The following ZFHX3 variants were observed in gnomAD, a reference collection of about 807,000 sequenced individuals.
The protein encoded by ZFHX3 is zinc finger homeobox protein 3.
Under a neutral mutation model 279.1 loss-of-function variants are expected in ZFHX3, and 42 were observed. The observed-to-expected ratio is 0.15, with a 90% confidence interval of 0.12 to 0.19. The LOEUF is 0.19. Among genes scored for constraint, ZFHX3 ranks in the 10% least tolerant of loss-of-function variants. The probability of loss-of-function intolerance (pLI) is 1.00; values close to 1 mark genes in which losing one functional copy is unlikely to be tolerated. For missense variants in ZFHX3, 4,981 were observed against 4,754.0 expected (o/e 1.05, Z -1.40); for synonymous variants, 2,293 against 1,957.8 (o/e 1.17, Z -4.52).
intron 5 of ZFHX3, among the ~76,000 whole-genome samples, chr16:73,187,815 G>A (rs561787141): frequency 6.6e-4 from 100 of 152,292 alleles, no homozygotes; most frequent in African/African-American, 2.3e-3. Context: ...TCCTTTTCAC[G>A]TCACCCACGT....
intron 5 of ZFHX3, among the ~76,000 whole-genome samples, chr16:73,226,162 C>T (rs187218975): frequency 9.8e-5 from 15 of 152,326 alleles, no homozygotes; most frequent in Admixed American, 4.6e-4. Context: ...TATAAATAGC[C>T]ATGTAGGCAG....
intron 6 of ZFHX3, among the ~76,000 whole-genome samples, chr16:73,142,591 T>C (rs1966850428): frequency 6.6e-6 from 1 of 152,166 alleles, no homozygotes; most frequent in South Asian, 2.1e-4. Flanking sequence ...AAGAGATACA[T>C]TGTGTTTTTA....
intron 2 of ZFHX3, among the ~76,000 whole-genome samples, chr16:73,516,067 T>C (rs928357707): frequency 6.6e-6 from 1 of 152,218 alleles, no homozygotes; most frequent in African/African-American, 2.4e-5. Flanking sequence ...CGCTAACTCT[T>C]CACCATCATC....
intron 3 of ZFHX3, among the ~76,000 whole-genome samples, chr16:72,900,404 G>A (rs952117712): frequency 6.6e-6 from 1 of 152,198 alleles, no homozygotes; most frequent in Non-Finnish European, 1.5e-5. Context: ...CAAAACGGGT[G>A]TGCTACTTCA....
intron 7 of ZFHX3, among the ~76,000 whole-genome samples, chr16:73,109,171 C>A (rs558226503): frequency 2.3e-3 from 351 of 152,316 alleles, no homozygotes; most frequent in African/African-American, 7.7e-3. Context: ...TTTTTCCAGA[C>A]TTTTTCCTGT....
At chr16:73,299,279 G>T (rs897115508) in intron 4 of ZFHX3, among the ~76,000 whole-genome samples, 3 of 152,144 alleles carry the variant, frequency 2.0e-5, no homozygotes, top group Non-Finnish European at 4.4e-5. Flanking sequence ...CCCTAGAAGA[G>T]AAAAAGCATT....
At position 73,786,471 on chromosome 16, in the gene ZFHX3, T is replaced by C. The variant is rs73602071; in HGVS notation, c.-1608+105180A>G. ...GTGTTCAGGAAGGGACCTGGTTGTT[T>C]CTTCGGGATCTCAGCTGACAGTATC... On this transcript the variant is annotated intron_variant, in intron 1 of 17. Coordinates refer to the ZFHX3 transcript ENST00000641206. 8.6e-3 allele frequency among the ~76,000 whole-genome samples: 1,304 copies of C among 152,298 alleles called. 23 individuals carry two copies. The highest frequency in any genetic ancestry group is 0.03 in the African/African-American group (1,233 of 41,560).
At chr16:73,804,909 GGGA>G (rs1470429255) in intron 1 of ZFHX3, among the ~76,000 whole-genome samples, 60 of 110,714 alleles carry the variant, frequency 5.4e-4, no homozygotes, top group South Asian at 1.1e-3. Context: ...GAGGGAGGGA[GGGA>G]GGGGAGGGAG....
intron 3 of ZFHX3, among the ~76,000 whole-genome samples, chr16:72,924,286 G>A (rs1286102954): frequency 6.6e-6 from 1 of 152,150 alleles, no homozygotes; most frequent in Non-Finnish European, 1.5e-5. Context: ...GTTAAACAGG[G>A]CAGCTCTGGG....
intron 2 of ZFHX3, among the ~76,000 whole-genome samples, chr16:73,646,153 A>T (rs908981189): frequency 1.3e-5 from 2 of 152,256 alleles, no homozygotes; most frequent in African/African-American, 4.8e-5. Flanking sequence ...TCATTATAAC[A>T]TTATTCATAA....
intron 1 of ZFHX3, among the ~76,000 whole-genome samples, chr16:73,038,618 T>C (rs932350934): frequency 6.6e-6 from 1 of 152,008 alleles, no homozygotes; most frequent in Admixed American, 6.6e-5. Flanking sequence ...ATTCCACCTG[T>C]TTCTTTTTAC....
At chr16:72,847,925 C>T (rs1178544901) in intron 4 of ZFHX3, among the ~76,000 whole-genome samples, 2 of 152,082 alleles carry the variant, frequency 1.3e-5, no homozygotes, top group East Asian at 3.9e-4. Flanking sequence ...CTCCTCCCCT[C>T]CTCCATCTCA....
At chr16:73,579,146 C>T (rs1249895776) in intron 2 of ZFHX3, among the ~76,000 whole-genome samples, 1 of 152,344 alleles carries the variant, frequency 6.6e-6, no homozygotes, top group African/African-American at 2.4e-5. Context: ...CCAGACATCA[C>T]TTTCTATTGA....
chr16:73,041,993 C>T (rs980076826), intron 1 of ZFHX3, among the ~76,000 whole-genome samples: 1 of 152,116 alleles, frequency 6.6e-6, no homozygotes, highest in Non-Finnish European at 1.5e-5. Context: ...GCAACTTCCA[C>T]GGGACAAAGA....
intron 5 of ZFHX3, among the ~76,000 whole-genome samples, chr16:73,160,671 G>A (rs1247636617): frequency 1.3e-5 from 2 of 151,940 alleles, no homozygotes; most frequent in Non-Finnish European, 2.9e-5. Flanking sequence ...TTCTTACCAT[G>A]AGTGCAAGAA....
intron 7 of ZFHX3, among the ~76,000 whole-genome samples, chr16:73,125,632 T>G (rs1025434903): frequency 6.6e-6 from 1 of 152,072 alleles, no homozygotes; most frequent in Non-Finnish European, 1.5e-5. Flanking sequence ...CGTACATCTT[T>G]CTCCTGTACT....
intron 3 of ZFHX3, among the ~76,000 whole-genome samples, chr16:72,921,212 AC>A (rs1299106559): frequency 6.6e-6 from 1 of 151,880 alleles, no homozygotes; most frequent in Non-Finnish European, 1.5e-5. Flanking sequence ...CTCCCGCCAC[AC>A]CCTACATCAT....
chr16:72,914,842 T>G lies in ZFHX3; in HGVS notation c.3217-24880A>C, dbSNP rs2039403356. On this transcript the variant is annotated intron_variant, in intron 3 of 9. Coordinates refer to ENST00000268489, the MANE Select transcript of ZFHX3 (RefSeq NM_006885.4). ...CCTGTCTCTACTAAAAATACAAAAA[T>G]TAGTTGGGTGTGATGGTGTGCGCCT... Among the ~76,000 whole-genome samples, 7 of 151,952 alleles carry G rather than the reference T, an allele frequency of 4.6e-5. No individual in the cohort carries two copies. In the South Asian group the frequency reaches 1.5e-3, roughly 32 times the overall value.
intron 4 of ZFHX3, among the ~76,000 whole-genome samples, chr16:72,830,847 A>G (rs1189331433): frequency 6.6e-6 from 1 of 152,234 alleles, no homozygotes; most frequent in Non-Finnish European, 1.5e-5. Context: ...AATAATTTTA[A>G]TAAAGATGAA....
Sources: gnomAD v4.1 joint callset for allele counts (sites outside exome capture counted in the v4.1 genomes callset) on GRCh38, gnomAD v4.1.1 for gene constraint, MANE v1.5 for transcripts, NCBI Gene and HGNC (gene_info 2026-07-23, HGNC 2026-07-21) for gene names.